The following DTWD1 variants were observed in gnomAD, a reference collection of about 807,000 sequenced individuals.
The protein encoded by DTWD1 is DTW motif tRNA-uridine aminocarboxypropyltransferase 1, also known as tRNA-uridine aminocarboxypropyltransferase 1.
DTWD1 carries 27 observed loss-of-function variants against 30.2 expected under a neutral mutation model. The ratio of observed to expected loss-of-function variants is 0.90; its 90% CI spans 0.66 to 1.23. The LOEUF (loss-of-function observed/expected upper bound fraction) is 1.23, where lower values mean the gene tolerates loss of function less well. Among genes scored for constraint, DTWD1 ranks in the 50% most tolerant of loss-of-function variants. The pLI is 0.00. For synonymous variants in DTWD1, 99 were observed against 113.1 expected (o/e 0.88, Z 0.79); for missense variants, 342 against 348.8 (o/e 0.98, Z 0.15).
chr15:49,639,117 G>A (rs1870732479), intron 4 of DTWD1, among the ~76,000 whole-genome samples: 1 of 152,144 alleles, frequency 6.6e-6, no homozygotes, highest in Non-Finnish European at 1.5e-5. Flanking sequence ...AGTGAGTGCT[G>A]TGTCCTATAC....
In DTWD1 at chr15:49,625,110, C is replaced by T. The variant is rs1353633376; in HGVS notation, c.-55-3C>T. 1 of 1,473,362 alleles carries T rather than the reference C, an allele frequency of 6.8e-7. No homozygotes were observed. Among genetic ancestry groups the T allele is most frequent in the East Asian group, 2.3e-5 (1 of 43,702 alleles). 91.3% of individuals were successfully genotyped at this position (1,473,362 alleles called of 1,614,324 possible). A position where few individuals can be genotyped will look rare whatever the true frequency, so the allele number is the denominator to read the frequency against. Reference sequence around the variant, plus strand: ...TCCTTCTCTTGATACTTTTTTTTTACAGTGCACCTATGATATGTGTTTTAG... The same window carrying T: ...TCCTTCTCTTGATACTTTTTTTTTATAGTGCACCTATGATATGTGTTTTAG... On this transcript the variant is annotated splice_polypyrimidine_tract_variant and splice_region_variant and intron_variant, in intron 1 of 4. Coordinates refer to ENST00000403028, the MANE Select transcript of DTWD1 (RefSeq NM_001144955.2).
chr15:49,642,780 A>G (rs1485928117), intron 4 of DTWD1, among the ~76,000 whole-genome samples: 8 of 152,078 alleles, frequency 5.3e-5, no homozygotes, highest in Non-Finnish European at 5.9e-5. Flanking sequence ...AAAAAATCTT[A>G]GCTGGATATG....
chr15:49,638,239 A>G (rs899581978), intron 4 of DTWD1, among the ~76,000 whole-genome samples: 31 of 152,338 alleles, frequency 2.0e-4, no homozygotes, highest in African/African-American at 7.2e-4. Context: ...TTATTGTGGT[A>G]TTATTCAAAA....
chr15:49,629,671 T>G (rs2078892790), intron 2 of DTWD1: 2 of 152,184 alleles, frequency 1.3e-5, no homozygotes. Context: ...AACTCTGATG[T>G]AGTGTTCAGC....
chr15:49,631,436 T>C (rs2078919181), intron 2 of DTWD1, among the ~76,000 whole-genome samples: 1 of 152,220 alleles, frequency 6.6e-6, no homozygotes, highest in South Asian at 2.1e-4. Context: ...ATTTTAGATC[T>C]GAAGCTTTTT....
intron 2 of DTWD1, 35 bp from the exon 3 acceptor site, chr15:49,632,124 A>C (rs922911673): frequency 1.3e-6 from 2 of 1,489,102 alleles, no homozygotes; most frequent in Non-Finnish European, 1.8e-6. Context: ...TAAAATGTTT[A>C]TATATTTTTT....
In DTWD1 at chr15:49,647,413, C is replaced by T. The variant is rs1425971814; in HGVS notation, c.*3835C>T. ...ATTTCATTTCAGTTCCATTTCCATA[C>T]CCATTGCCTTAATTTTGAGCTTGTC... On this transcript the variant is annotated 3_prime_UTR_variant, in exon 5 of 5. Transcript: ENST00000403028. The T allele has an allele frequency of 6.6e-6, 1 of 152,132 alleles. No homozygotes were observed. The highest frequency in any genetic ancestry group is 6.6e-5 in the Admixed American group (1 of 15,262). The allele number at this position is 152,132 out of a possible 1,614,324, so 9.4% of individuals were successfully genotyped here. A position where few individuals can be genotyped will look rare whatever the true frequency, so the allele number is the denominator to read the frequency against.
chr15:49,643,083 A>G (rs2079083868), intron 4 of DTWD1, among the ~76,000 whole-genome samples: 1 of 152,226 alleles, frequency 6.6e-6, no homozygotes, highest in East Asian at 1.9e-4. Context: ...TCATTGGTCT[A>G]AGACTCAGTG....
At position 49,647,733 on chromosome 15, in the gene DTWD1, C is replaced by T. The variant is rs2153354534; in HGVS notation, c.*4155C>T. On this transcript the variant is annotated 3_prime_UTR_variant, in exon 5 of 5. Coordinates refer to ENST00000403028, the MANE Select transcript of DTWD1 (RefSeq NM_001144955.2). ...AACATCACTAGACACTTGGTGAAAT[C>T]CTTCAAATATAAAAGGGGAAAAGGA... is the stretch of plus-strand genomic sequence containing the variant. 6.6e-6 allele frequency: 1 copy of T among 151,834 alleles called. No homozygotes were observed. The highest frequency in any genetic ancestry group is 6.6e-5 in the Admixed American group (1 of 15,228). 9.4% of individuals were successfully genotyped at this position (151,834 alleles called of 1,614,324 possible).
chr15:49,646,077 T>A lies in DTWD1; in HGVS notation c.*2499T>A, dbSNP rs2079116540. 1.3e-5 allele frequency: 2 copies of A among 152,214 alleles called. No homozygotes were observed. The highest frequency in any genetic ancestry group is 4.8e-5 in the African/African-American group (2 of 41,468). 9.4% of individuals were successfully genotyped at this position (152,214 alleles called of 1,614,324 possible). On this transcript the variant is annotated 3_prime_UTR_variant, in exon 5 of 5. Coordinates refer to ENST00000403028, the MANE Select transcript of DTWD1 (RefSeq NM_001144955.2). Reference sequence around the variant, plus strand: ...TGACATAAGAATATGCATGGCTGAGTTAGCCTGCTGGAGCATGAGACTCCA... The same window carrying A: ...TGACATAAGAATATGCATGGCTGAGATAGCCTGCTGGAGCATGAGACTCCA...
At chr15:49,642,754 A>T (rs1032953016) in intron 4 of DTWD1, among the ~76,000 whole-genome samples, 2 of 134,236 alleles carry the variant, frequency 1.5e-5, no homozygotes, top group South Asian at 4.4e-4. Flanking sequence ...CACTGTCTCT[A>T]AAAAAAAATA....
chr15:49,643,562 GA>G lies in DTWD1; in HGVS notation c.903del (p.Lys301AsnfsTer7). On this transcript the variant is annotated frameshift_variant, in exon 5 of 5. Transcript: ENST00000403028. LOFTEE classifies it high-confidence loss of function. ...AAATGCTCTGGAGATAAGGAAACAG[GA>G]AAACTTACACATTAGTTTTTAACAA... ...NAKCSGDKET[G>X]KLTH 6.3e-7 allele frequency: 1 copy of G among 1,593,868 alleles called. No individual in the cohort carries two copies. The highest frequency in any genetic ancestry group is 8.5e-7 in the Non-Finnish European group (1 of 1,173,018).
chr15:49,622,651 TTAAA>T (rs1339645940), intron 1 of DTWD1, among the ~76,000 whole-genome samples: 2 of 152,218 alleles, frequency 1.3e-5, no homozygotes, highest in African/African-American at 4.8e-5. Context: ...TTTAAAAATT[TTAAA>T]TAACCCCATT....
intron 1 of DTWD1, among the ~76,000 whole-genome samples, chr15:49,623,467 T>C (rs1176884459): frequency 6.6e-6 from 1 of 152,010 alleles, no homozygotes; most frequent in Non-Finnish European, 1.5e-5. Context: ...TCTCACTTTG[T>C]TGTCCAGACT....
chr15:49,634,544 C>T lies in DTWD1; in HGVS notation c.417C>T (p.Leu139=). 1 of 1,608,340 alleles carries T rather than the reference C, an allele frequency of 6.2e-7. No homozygotes were observed. The highest frequency in any genetic ancestry group is 1.7e-4 in the Middle Eastern group (1 of 6,012). ...EYEEKDHEVA[L]IFPGPQSISI... is the part of the protein sequence containing the mutation. The stretch of plus-strand genomic sequence containing the variant: ...AATTTTCTTTGTTTTAGGTTGCACT[C>T]ATTTTTCCTGGACCTCAGTCTATCT... Residue 139 remains leucine, a synonymous_variant, in exon 4 of 5, where the codon CTC becomes CTT. Coordinates refer to ENST00000403028, the MANE Select transcript of DTWD1 (RefSeq NM_001144955.2).
chr15:49,653,859 A>C lies in DTWD1; in HGVS notation c.*10281A>C, dbSNP rs2079165600. 6.6e-6 allele frequency: 1 copy of C among 152,068 alleles called. No individual in the cohort carries two copies. Among genetic ancestry groups the C allele is most frequent in the Non-Finnish European group, 1.5e-5 (1 of 68,010 alleles). The allele number at this position is 152,068 out of a possible 1,614,324, so 9.4% of individuals were successfully genotyped here. ...TTTAGAGGAAATTTTTCAACCTAGT[A>C]CTTGTCATTTTTTTATAGAAAAGGA... On this transcript the variant is annotated 3_prime_UTR_variant, in exon 5 of 5. Coordinates refer to ENST00000403028, the MANE Select transcript of DTWD1 (RefSeq NM_001144955.2).
At position 49,653,329 on chromosome 15, in the gene DTWD1, G is replaced by C. The variant is rs2079163064; in HGVS notation, c.*9751G>C. 1 of 152,116 alleles carries C rather than the reference G, an allele frequency of 6.6e-6. No individual in the cohort carries two copies. The highest frequency in any genetic ancestry group is 2.4e-5 in the African/African-American group (1 of 41,440). The allele number at this position is 152,116 out of a possible 1,614,324, so 9.4% of individuals were successfully genotyped here. On this transcript the variant is annotated 3_prime_UTR_variant, in exon 5 of 5. Coordinates refer to ENST00000403028, the MANE Select transcript of DTWD1 (RefSeq NM_001144955.2). ...GCTATTGTTGGCTTTACAGGTGAGT[G>C]ATAGGAACCACAAGCCCCAAGCAGC...
chr15:49,626,713 C>A, intron 2 of DTWD1: 1 of 432,654 alleles, frequency 2.3e-6, no homozygotes, highest in Non-Finnish European at 4.7e-6. Context: ...AAGAAGAGTA[C>A]TTTGACACTC....
Position 49,647,874 on chromosome 15 carries a change from G to C in DTWD1, c.*4296G>C, listed in dbSNP as rs1387797884. On this transcript the variant is annotated 3_prime_UTR_variant, in exon 5 of 5. Coordinates refer to ENST00000403028, the MANE Select transcript of DTWD1 (RefSeq NM_001144955.2). ...AACAAGAATAGGAGAGTGTGAAAAA[G>C]AACAAGCAATAAAAAAGATCTCAGA... The C allele has an allele frequency of 2.0e-5, 3 of 151,476 alleles. No homozygotes were observed. The highest frequency in any genetic ancestry group is 7.3e-5 in the African/African-American group (3 of 41,290). 9.4% of individuals were successfully genotyped at this position (151,476 alleles called of 1,614,324 possible).
Sources: allele counts gnomAD v4.1 joint callset (sites outside exome capture counted in the v4.1 genomes callset), GRCh38; gene constraint gnomAD v4.1.1; transcripts MANE v1.5; gene names NCBI Gene and HGNC (gene_info 2026-07-23, HGNC 2026-07-21).